Variants in AGT observed in about 807,000 individuals in gnomAD.
The protein encoded by AGT is alpha-1 antiproteinase, antitrypsin.
In AGT, 26 loss-of-function variants were observed where a neutral mutation model predicts 28.1. The observed-to-expected ratio is 0.92, with a 90% confidence interval of 0.68 to 1.28. The LOEUF (loss-of-function observed/expected upper bound fraction) is 1.28. Ranked by LOEUF, AGT falls within the 50% of genes most tolerant of loss-of-function variation. AGT has a pLI of 0.00. For missense variants in AGT, 596 were observed against 592.3 expected (o/e 1.01, Z -0.06); for synonymous variants, 259 against 259.6 (o/e 1.00, Z 0.02).
intron 1 of AGT, among the ~76,000 whole-genome samples, chr1:230,743,175 G>A (rs1159361468): frequency 6.6e-6 from 1 of 152,026 alleles, no homozygotes; most frequent in Non-Finnish European, 1.5e-5. Flanking sequence ...ATTTTTAGTA[G>A]AGTCAAGGTT....
intron 3 of AGT, among the ~76,000 whole-genome samples, chr1:230,705,548 A>C (rs1663357395): frequency 6.6e-6 from 1 of 152,228 alleles, no homozygotes; most frequent in African/African-American, 2.4e-5. Context: ...CCTCCTGGCA[A>C]GTCAGTTCCA....
rs972022457 is a variant in AGT, at chr1:230,709,115, G to A, written c.829+880C>T. 6.6e-5 allele frequency among the ~76,000 whole-genome samples: 10 copies of A among 152,330 alleles called. 1 individual carries two copies. The East Asian group carries it at 9.7e-4, about 15-fold the overall frequency. On this transcript the variant is annotated intron_variant, in intron 2 of 4. Coordinates refer to ENST00000366667, the MANE Select transcript of AGT (RefSeq NM_001384479.1). Reference sequence around the variant, plus strand: ...AGGCTTCCCTGAGTTACCTTGTGGAGCACGTTTCCCTGCAGCTCCAAATCC... The same window carrying A: ...AGGCTTCCCTGAGTTACCTTGTGGAACACGTTTCCCTGCAGCTCCAAATCC...
chr1:230,713,921 G>T (rs1663666414), intron 1 of AGT, among the ~76,000 whole-genome samples, 165 bp downstream of exon 1: 1 of 152,136 alleles, frequency 6.6e-6, no homozygotes, highest in African/African-American at 2.4e-5. Flanking sequence ...CCCCAGGTGG[G>T]CACCGAGTGG....
At chr1:230,727,121 G>A (rs1663958953) in intron 1 of AGT, among the ~76,000 whole-genome samples, 1 of 152,142 alleles carries the variant, frequency 6.6e-6, no homozygotes, top group African/African-American at 2.4e-5. Context: ...GGGCCTTGGA[G>A]AACCCTAAAA....
intron 1 of AGT, among the ~76,000 whole-genome samples, chr1:230,725,930 G>A (rs993496445): frequency 6.6e-6 from 1 of 151,810 alleles, no homozygotes; most frequent in African/African-American, 2.4e-5. Flanking sequence ...TCATCATGAA[G>A]AGAAGTGCCC....
intron 2 of AGT, among the ~76,000 whole-genome samples, chr1:230,706,540 C>T (rs1663392311): frequency 6.6e-6 from 1 of 152,204 alleles, no homozygotes; most frequent in Non-Finnish European, 1.5e-5. Flanking sequence ...CTAGAACTGT[C>T]CTGACCCAAA....
intron 1 of AGT, among the ~76,000 whole-genome samples, chr1:230,732,766 T>G (rs1295621489): frequency 6.6e-6 from 1 of 152,214 alleles, no homozygotes; most frequent in East Asian, 1.9e-4. Flanking sequence ...TCTTATCATC[T>G]TCAGGTTGAG....
rs1663564246 is a variant in AGT at position 230,710,731 on chromosome 1, G to C, written c.93C>G (p.Pro31=). Residue 31 remains proline, a synonymous_variant, in exon 2 of 5, where the codon CCC becomes CCG. Transcript: ENST00000366667. ...LAAGDRVYIH[P]FHLVIHNEST... is the part of the protein sequence containing the mutation. ...TCTCATTGTGGATGACGAGGTGGAAGGGGTGTATGTACACCCGGTCACCTG... is the reference window on the plus strand; with the variant it reads ...TCTCATTGTGGATGACGAGGTGGAACGGGTGTATGTACACCCGGTCACCTG... The C allele has an allele frequency of 1.9e-6, 3 of 1,613,998 alleles. No individual in the cohort carries two copies. The highest frequency in any genetic ancestry group is 2.5e-6 in the Non-Finnish European group (3 of 1,179,956).
intron 1 of AGT, among the ~76,000 whole-genome samples, chr1:230,740,737 T>A (rs1664233832): frequency 6.6e-6 from 1 of 151,920 alleles, no homozygotes; most frequent in African/African-American, 2.4e-5. Flanking sequence ...GATCATGAGG[T>A]CAAGAGATCA....
chr1:230,733,151 C>T (rs1387571387), intron 1 of AGT, among the ~76,000 whole-genome samples: 3 of 151,854 alleles, frequency 2.0e-5, no homozygotes, highest in East Asian at 1.9e-4. Flanking sequence ...GGCATGGTGG[C>T]GCATGCCTGT....
At chr1:230,743,586 G>A (rs1049511530) in intron 1 of AGT, among the ~76,000 whole-genome samples, 2 of 152,150 alleles carry the variant, frequency 1.3e-5, no homozygotes, top group African/African-American at 4.8e-5. Flanking sequence ...CCTCCACACT[G>A]CAAGCCAAGG....
rs113410779 is a variant in AGT at position 230,737,082 on chromosome 1, C to T, written c.-31+8433G>A. ...TTCTGACCCTGGTGCAAGACCATTT[C>T]TGCTCCTGCTCCCCAATCTCCCCTA... On this transcript the variant is annotated intron_variant, in intron 1 of 4. Transcript: ENST00000681269. Among the ~76,000 whole-genome samples, 247 of 152,288 alleles carry T rather than the reference C, an allele frequency of 1.6e-3. 3 individuals carry two copies. The highest frequency in any genetic ancestry group is 5.8e-3 in the African/African-American group (242 of 41,558).
In AGT at chr1:230,719,661, C is replaced by G. The variant is rs966846960; in HGVS notation, c.-30-8808G>C. ...TGACCTCGTGATCCGCCTGCCTCGG[C>G]CTCCCAAAGTGCCGGAATTACAGGC... On this transcript the variant is annotated intron_variant, in intron 1 of 4. Transcript: ENST00000681269. Among the ~76,000 whole-genome samples, 104 of 152,180 alleles carry G rather than the reference C, an allele frequency of 6.8e-4. 2 individuals are homozygous for G. The highest frequency in any genetic ancestry group is 2.5e-3 in the African/African-American group (102 of 41,510).
chr1:230,703,000 A>C lies in AGT; in HGVS notation c.*141T>G. ...GGAGAAACGGCTGCTTTCCAGCTCA[A>C]AGTCGACTCATTAGAAGAAAAGGTG... On this transcript the variant is annotated 3_prime_UTR_variant, in exon 5 of 5. Coordinates refer to ENST00000366667, the MANE Select transcript of AGT (RefSeq NM_001384479.1). The C allele has an allele frequency of 1.1e-6, 1 of 948,292 alleles. No individual in the cohort carries two copies. The highest frequency in any genetic ancestry group is 1.6e-6 in the Non-Finnish European group (1 of 642,674). The allele number at this position is 948,292 out of a possible 1,614,324, so 58.7% of individuals were successfully genotyped here.
At chr1:230,739,965 A>T (rs1437670123) in intron 1 of AGT, among the ~76,000 whole-genome samples, 3 of 152,022 alleles carry the variant, frequency 2.0e-5, no homozygotes, top group African/African-American at 7.2e-5. Flanking sequence ...AAGAATGGCC[A>T]CTCCGTAGGT....
At chr1:230,737,582 G>T (rs1664178868) in intron 1 of AGT, among the ~76,000 whole-genome samples, 1 of 152,152 alleles carries the variant, frequency 6.6e-6, no homozygotes, top group Admixed American at 6.5e-5. Context: ...AAAGTGCTGA[G>T]ATTACAGGCT....
chr1:230,706,538 G>T (rs1178919155), intron 2 of AGT, among the ~76,000 whole-genome samples: 1 of 152,180 alleles, frequency 6.6e-6, no homozygotes, highest in Non-Finnish European at 1.5e-5. Context: ...ACCTAGAACT[G>T]TCCTGACCCA....
At chr1:230,740,901 C>T (rs557985431) in intron 1 of AGT, among the ~76,000 whole-genome samples, 2 of 152,234 alleles carry the variant, frequency 1.3e-5, no homozygotes, top group East Asian at 1.9e-4. Flanking sequence ...GAGCCAAGAT[C>T]GCACCACTGC....
chr1:230,705,130 A>C (rs1663343145), intron 3 of AGT, among the ~76,000 whole-genome samples: 1 of 152,134 alleles, frequency 6.6e-6, no homozygotes, highest in Non-Finnish European at 1.5e-5. Context: ...AGCAGGACAG[A>C]GCTTCAGTTT....
Sources: gnomAD v4.1 joint callset for allele counts (sites outside exome capture counted in the v4.1 genomes callset) on GRCh38, gnomAD v4.1.1 for gene constraint, MANE v1.5 for transcripts, NCBI Gene and HGNC (gene_info 2026-07-23, HGNC 2026-07-21) for gene names.